The following DOCK8 variants were observed in gnomAD, a reference collection of about 807,000 sequenced individuals.
The protein encoded by DOCK8 is dedicator of cytokinesis 8.
In DOCK8, 141 loss-of-function variants were observed where a neutral mutation model predicts 245.6. The observed-to-expected ratio is 0.57, with a 90% CI of 0.50 to 0.66. The LOEUF (loss-of-function observed/expected upper bound fraction) is 0.66, where lower values mean the gene tolerates loss of function less well. Ranked by LOEUF, DOCK8 falls within the 30% of genes least tolerant of loss-of-function variation. The pLI is 0.00. For missense variants in DOCK8, 2,965 were observed against 2,603.4 expected (o/e 1.14, Z -3.02); for synonymous variants, 1,168 against 970.2 (o/e 1.20, Z -3.79).
chr9:261,964 T>G (rs1457420664), intron 1 of DOCK8, among the ~76,000 whole-genome samples: 1 of 148,444 alleles, frequency 6.7e-6, no homozygotes, highest in Non-Finnish European at 1.5e-5. Context: ...TCTTTTTATG[T>G]CCTTATATTT....
chr9:322,736 G>A (rs546876818), intron 7 of DOCK8, among the ~76,000 whole-genome samples: 1 of 152,268 alleles, frequency 6.6e-6, no homozygotes, highest in East Asian at 1.9e-4. Context: ...TGTGTAGTAG[G>A]GAGTAAACAA....
At chr9:213,529 A>T (rs2046657434), upstream of DOCK8, 1 of 152,206 alleles carries the variant, frequency 6.6e-6, no homozygotes, top group Admixed American at 6.5e-5. Flanking sequence ...GTATCATTTA[A>T]CATGCAATCA....
chr9:342,436 G>A (rs1198253196), intron 14 of DOCK8, among the ~76,000 whole-genome samples: 2 of 147,706 alleles, frequency 1.4e-5, no homozygotes, highest in African/African-American at 5.0e-5. Flanking sequence ...ATTGATTCAT[G>A]TAAAGGTTTG....
Position 286,466 on chromosome 9 carries a change from G to A in DOCK8, c.162G>A (p.Gln54=), listed in dbSNP as rs190478517. The A allele has an allele frequency of 6.2e-7, 1 of 1,613,828 alleles. No homozygotes were observed. Among genetic ancestry groups the A allele is most frequent in the East Asian group, 2.2e-5 (1 of 44,866 alleles). Residue 54 remains glutamine, a synonymous_variant, in exon 3 of 48, where the codon CAG becomes CAA. Transcript: ENST00000432829. ...CCTTTTCCCTGCCCCTCCAGCCTCAGTTTTATGACCCTGTGGAGCCAGTGG... is the reference window on the plus strand; with the variant it reads ...CCTTTTCCCTGCCCCTCCAGCCTCAATTTTATGACCCTGTGGAGCCAGTGG... The part of the protein sequence containing the change: ...TSGFPSLQLP[Q]FYDPVEPVDF...
chr9:382,663 T>A lies in DOCK8; in HGVS notation c.2756T>A (p.Val919Glu), dbSNP rs766131006. The A allele has an allele frequency of 5.0e-6, 8 of 1,614,158 alleles. No homozygotes were observed. The East Asian group carries it at 1.8e-4, about 36-fold the overall frequency. ...AGTHSAADEE[V>E]KNIMSSKIAD... ...ACACACTCCGCAGCAGACGAGGAAG[T>A]GAAGAACATCATGTCTTCAAAGGTA... Residue 919 changes from valine to glutamate, a missense_variant, in exon 22 of 48, where the codon GTG becomes GAG. Val to Glu is a moderately radical substitution (Grantham distance 121). Coordinates refer to ENST00000432829, the MANE Select transcript of DOCK8 (RefSeq NM_203447.4).
At chr9:377,317 T>C in intron 20 of DOCK8, 106 bp downstream of exon 20, 1 of 1,155,324 alleles carries the variant, frequency 8.7e-7, no homozygotes, top group African/African-American at 1.5e-5. Flanking sequence ...TGATCTTCCT[T>C]TCCACTGATG....
intron 24 of DOCK8, among the ~76,000 whole-genome samples, chr9:391,993 C>T (rs12335437): frequency 0.033 from 5,030 of 151,658 alleles, 188 homozygotes; most frequent in African/African-American, 0.093. Context: ...CAAAAATTAG[C>T]CGGGTGTGGT....
At chr9:437,275 C>G (rs1423957192) in intron 39 of DOCK8, among the ~76,000 whole-genome samples, 2 of 152,224 alleles carry the variant, frequency 1.3e-5, no homozygotes, top group Non-Finnish European at 2.9e-5. Context: ...CTTCCCATCT[C>G]TGCCATCTGT....
At chr9:386,503 G>A (rs2053961123) in intron 23 of DOCK8, 77 bp downstream of exon 23, 1 of 1,322,342 alleles carries the variant, frequency 7.6e-7, no homozygotes, top group East Asian at 2.4e-5. Flanking sequence ...ACTGTGCTTG[G>A]GAATAGTCAA....
chr9:311,471 T>C (rs1221175032), intron 5 of DOCK8, among the ~76,000 whole-genome samples: 1 of 151,466 alleles, frequency 6.6e-6, no homozygotes, highest in Non-Finnish European at 1.5e-5. Flanking sequence ...CAGGCTAGTC[T>C]TGAACTCCCG....
chr9:372,646 T>C (rs1027339276), intron 18 of DOCK8, among the ~76,000 whole-genome samples: 5 of 152,176 alleles, frequency 3.3e-5, no homozygotes, highest in African/African-American at 9.7e-5. Context: ...ATTCATCCGT[T>C]TCTTTCTTGG....
intron 39 of DOCK8, among the ~76,000 whole-genome samples, chr9:435,194 A>G (rs183924906): frequency 1.5e-3 from 227 of 152,276 alleles, no homozygotes; most frequent in African/African-American, 4.9e-3. Context: ...TCTGGCCCCA[A>G]ATGTCTGTAG....
At chr9:353,749 C>G (rs1441213172) in intron 14 of DOCK8, among the ~76,000 whole-genome samples, 1 of 152,106 alleles carries the variant, frequency 6.6e-6, no homozygotes, top group African/African-American at 2.4e-5. Context: ...ACTTTTAGGT[C>G]TTGAGCAAAG....
chr9:242,153 T>G (rs1387814212), intron 1 of DOCK8, among the ~76,000 whole-genome samples: 1 of 152,188 alleles, frequency 6.6e-6, no homozygotes, highest in Non-Finnish European at 1.5e-5. Context: ...TGAAGTTATG[T>G]TATATGGTTC....
chr9:251,972 C>CTTTTTTTTTT (rs34456943), intron 1 of DOCK8, among the ~76,000 whole-genome samples: 1 of 130,612 alleles, frequency 7.7e-6, no homozygotes, highest in African/African-American at 2.9e-5. Context: ...ATTGTGTTTT[C>CTTTTTTTTTT]TTTTTTTTTT....
rs530554574 is a variant in DOCK8, at chr9:412,681, A to G, written c.3531-2101A>G. ...CATATAAAATAGCATCACAAAGAAA[A>G]AATATTTAGGAATAAATGTAACAAA... On this transcript the variant is annotated intron_variant, in intron 28 of 47. Coordinates refer to ENST00000432829, the MANE Select transcript of DOCK8 (RefSeq NM_203447.4). Among the ~76,000 whole-genome samples, 34 of 152,304 alleles carry G rather than the reference A, an allele frequency of 2.2e-4. 1 individual carries two copies. The South Asian group carries it at 7.0e-3, about 32-fold the overall frequency.
intron 1 of DOCK8, among the ~76,000 whole-genome samples, chr9:238,206 G>A (rs1433075913): frequency 6.6e-6 from 1 of 152,174 alleles, no homozygotes; most frequent in Admixed American, 6.5e-5. Flanking sequence ...AGACCTTTGA[G>A]TCTGAGTTTG....
At chr9:399,988 C>A (rs1352744818) in intron 26 of DOCK8, among the ~76,000 whole-genome samples, 1 of 79,470 alleles carries the variant, frequency 1.3e-5, no homozygotes, top group South Asian at 4.8e-4. Context: ...ATCACCACCT[C>A]CCACCACCTC....
intron 4 of DOCK8, among the ~76,000 whole-genome samples, chr9:291,399 ATGTC>A (rs2049031540): frequency 6.6e-6 from 1 of 152,180 alleles, no homozygotes; most frequent in African/African-American, 2.4e-5. Context: ...TGAACATTTG[ATGTC>A]TGTCCTTTGA....
Sources: allele counts gnomAD v4.1 joint callset (sites outside exome capture counted in the v4.1 genomes callset), GRCh38; gene constraint gnomAD v4.1.1; transcripts MANE v1.5; gene names NCBI Gene and HGNC (gene_info 2026-07-23, HGNC 2026-07-21).